The following CPSF7 variants were observed in gnomAD, a reference collection of about 807,000 sequenced individuals.
CPSF7 encodes cleavage and polyadenylation specificity factor subunit 7.
In CPSF7, 1 loss-of-function variant was observed where a neutral mutation model predicts 44.3. The ratio of observed to expected loss-of-function variants is 0.02; its 90% CI spans 0.01 to 0.11. The LOEUF (loss-of-function observed/expected upper bound fraction) is 0.11, where lower values mean the gene tolerates loss of function less well. Ranked by LOEUF, CPSF7 falls within the 10% of genes least tolerant of loss-of-function variation. The pLI, the probability that CPSF7 is intolerant of heterozygous loss-of-function variation, is 1.00. For missense variants in CPSF7, 443 were observed against 607.2 expected (o/e 0.73, Z 2.84); for synonymous variants, 202 against 222.0 (o/e 0.91, Z 0.80).
At chr11:61,415,990 C>T in intron 6 of CPSF7, 115 bp downstream of exon 6, 1 of 1,063,410 alleles carries the variant, frequency 9.4e-7, no homozygotes, top group Admixed American at 2.5e-5. Flanking sequence ...GCTATGATAA[C>T]AGAATGTCTA....
chr11:61,423,890 A>T (rs1861122148), intron 2 of CPSF7, among the ~76,000 whole-genome samples: 1 of 152,196 alleles, frequency 6.6e-6, no homozygotes, highest in Non-Finnish European at 1.5e-5. Flanking sequence ...AAGAAAATGC[A>T]CACTAAGAGA....
intron 7 of CPSF7, among the ~76,000 whole-genome samples, chr11:61,412,213 A>G (rs1375862741): frequency 6.6e-6 from 1 of 152,170 alleles, no homozygotes. Flanking sequence ...ATATTTTTTG[A>G]GCCAGCAATT....
At position 61,421,492 on chromosome 11, in the gene CPSF7, C is replaced by T; in HGVS notation, c.171G>A (p.Gln57=). 1.9e-6 allele frequency: 3 copies of T among 1,614,124 alleles called. No homozygotes were observed. The East Asian group carries it at 6.7e-5, about 36-fold the overall frequency. ...SSTEPPPPVR[Q]EPSPKPNNKT... Reference sequence around the variant, plus strand: ...TGTTGTTGGGCTTGGGAGATGGCTCCTGGCGAACAGGAGGAGGTGGTTCAG... The same window carrying T: ...TGTTGTTGGGCTTGGGAGATGGCTCTTGGCGAACAGGAGGAGGTGGTTCAG... Residue 57 remains glutamine (Q), a synonymous_variant, in exon 3 of 10, where the codon CAG becomes CAA. Coordinates refer to ENST00000439958, the MANE Select transcript of CPSF7 (RefSeq NM_001142565.3).
rs751533896 is a variant in CPSF7, at chr11:61,411,125, G to A, written c.1227-20C>T. On this transcript the variant is annotated intron_variant, in intron 8 of 9. Transcript: ENST00000439958. The stretch of plus-strand genomic sequence containing the variant: ...CTTTTCCTATTAGAAAGATCCTTCA[G>A]CCTCACTCAGAAGGCCTACCACTTT... 2.1e-5 allele frequency: 34 copies of A among 1,592,090 alleles called. No homozygotes were observed. Among genetic ancestry groups the A allele is most frequent in the Non-Finnish European group, 2.8e-5 (33 of 1,172,108 alleles).
At chr11:61,409,842 G>A (rs1055861549) in intron 9 of CPSF7, among the ~76,000 whole-genome samples, 5 of 151,988 alleles carry the variant, frequency 3.3e-5, no homozygotes, top group Non-Finnish European at 7.4e-5. Flanking sequence ...GCGTGGTGAC[G>A]CGCGCCTGTA....
At chr11:61,407,722 A>C (rs1338658868) in intron 9 of CPSF7, among the ~76,000 whole-genome samples, 1 of 152,234 alleles carries the variant, frequency 6.6e-6, no homozygotes, top group Non-Finnish European at 1.5e-5. Context: ...TCATCTTTCC[A>C]CTTACTTGTT....
intron 9 of CPSF7, among the ~76,000 whole-genome samples, chr11:61,405,031 G>C (rs532828402): frequency 6.6e-6 from 1 of 152,282 alleles, no homozygotes; most frequent in South Asian, 2.1e-4. Flanking sequence ...TGGAAACTGT[G>C]ACATATTTCA....
At chr11:61,420,329 C>T in intron 4 of CPSF7, 141 bp downstream of exon 4, 1 of 780,030 alleles carries the variant, frequency 1.3e-6, no homozygotes, top group South Asian at 1.8e-5. Flanking sequence ...AGCTAGGTCC[C>T]TTTCTAAGGC....
intron 3 of CPSF7, chr11:61,421,102 T>C (rs1250927659): frequency 7.2e-7 from 1 of 1,383,486 alleles, no homozygotes; most frequent in South Asian, 1.2e-5. Context: ...AGGTGTTCAC[T>C]CTGAAATCTC....
intron 2 of CPSF7, 162 bp downstream of exon 2, chr11:61,429,020 G>A: frequency 1.9e-6 from 1 of 513,852 alleles, no homozygotes; most frequent in Non-Finnish European, 3.5e-6. Flanking sequence ...ACATAAAGAG[G>A]AATGGAGTGT....
chr11:61,415,353 A>G (rs1860226128), intron 7 of CPSF7, among the ~76,000 whole-genome samples: 1 of 152,204 alleles, frequency 6.6e-6, no homozygotes, highest in Non-Finnish European at 1.5e-5. Flanking sequence ...AAGATCAACC[A>G]CTGAGATGGA....
chr11:61,414,524 CTTTAACCT>C (rs1313971138), intron 7 of CPSF7, among the ~76,000 whole-genome samples: 1 of 152,164 alleles, frequency 6.6e-6, no homozygotes, highest in Non-Finnish European at 1.5e-5. Flanking sequence ...TACTTTCTGT[CTTTAACCT>C]TCTCTGTGGA....
At chr11:61,408,573 G>C (rs893150628) in intron 9 of CPSF7, among the ~76,000 whole-genome samples, 9 of 152,168 alleles carry the variant, frequency 5.9e-5, no homozygotes, top group African/African-American at 2.2e-4. Context: ...CTATTTTAAA[G>C]ATTTCCATAG....
At chr11:61,428,889 G>A (rs2135423991) in intron 2 of CPSF7, 1 of 234,436 alleles carries the variant, frequency 4.3e-6, no homozygotes, top group Non-Finnish European at 8.4e-6. Context: ...TGGTTAGTCT[G>A]ACACCCACCT....
intron 2 of CPSF7, chr11:61,426,582 G>A (rs1384709522): frequency 6.6e-6 from 1 of 152,136 alleles, no homozygotes; most frequent in East Asian, 1.9e-4. Context: ...TTTAACTGAG[G>A]AGACCAGAGA....
intron 2 of CPSF7, 43 bp downstream of exon 2, chr11:61,429,139 C>T (rs373238705): frequency 2.2e-5 from 26 of 1,165,652 alleles, no homozygotes; most frequent in Admixed American, 8.5e-5. Flanking sequence ...AATGATTCCT[C>T]AGATGATCAA....
chr11:61,429,893 C>G (rs1861801014), intron 1 of CPSF7, 21 bp downstream of exon 1: 3 of 1,517,034 alleles, frequency 2.0e-6, no homozygotes, highest in Non-Finnish European at 2.7e-6. Flanking sequence ...CAACCTGCCC[C>G]CGACCGCGCG....
In CPSF7 at chr11:61,421,525, G is replaced by C. The variant is rs764555763; in HGVS notation, c.138C>G (p.Ser46Arg). 6.8e-6 allele frequency: 11 copies of C among 1,613,996 alleles called. No individual in the cohort carries two copies. The highest frequency in any genetic ancestry group is 1.7e-4 in the Middle Eastern group (1 of 6,056). The change falls in exon 3 of 10, where the codon AGC becomes AGG. Residue 46 changes from serine to arginine, a missense_variant. Physicochemically the swap from Ser to Arg is moderately radical, Grantham distance 110. Coordinates refer to ENST00000439958, the MANE Select transcript of CPSF7 (RefSeq NM_001142565.3). ...CAGGAGGAGGTGGTTCAGTGCTGCT[G>C]CTTCTGTCATCTGAGGGCTGTGAGG... ...TATSQPSDDR[S>R]SSTEPPPPVR...
chr11:61,420,656 A>C (rs1198830569), intron 3 of CPSF7, 83 bp from the exon 4 acceptor site: 1 of 1,027,670 alleles, frequency 9.7e-7, no homozygotes, highest in East Asian at 2.4e-5. Context: ...GATTCTAGTC[A>C]CAACTAAGTC....
Sources: gnomAD v4.1 joint callset for allele counts (sites outside exome capture counted in the v4.1 genomes callset) on GRCh38, gnomAD v4.1.1 for gene constraint, MANE v1.5 for transcripts, NCBI Gene and HGNC (gene_info 2026-07-23, HGNC 2026-07-21) for gene names.